STK31: variants seen among roughly 807,000 people sequenced by gnomAD.
The protein encoded by STK31 is serine/threonine kinase 31.
STK31 carries 89 observed loss-of-function variants against 129.7 expected under a neutral mutation model. The observed-to-expected ratio is 0.69, with a 90% confidence interval of 0.58 to 0.82. The LOEUF (loss-of-function observed/expected upper bound fraction) is 0.82, where lower values mean the gene tolerates loss of function less well. Ranked by LOEUF, STK31 falls within the 40% of genes least tolerant of loss-of-function variation. The pLI is 0.00. For missense variants in STK31, 1,187 were observed against 1,176.4 expected (o/e 1.01, Z -0.13); for synonymous variants, 448 against 395.3 (o/e 1.13, Z -1.58).
intron 8 of STK31, among the ~76,000 whole-genome samples, chr7:23,739,916 C>A (rs534571980): frequency 6.6e-6 from 1 of 152,194 alleles, no homozygotes; most frequent in South Asian, 2.1e-4. Flanking sequence ...GTGATGTCTC[C>A]AGGTTTGTTC....
intron 23 of STK31, among the ~76,000 whole-genome samples, chr7:23,823,048 A>T (rs1793889896): frequency 6.6e-6 from 1 of 152,204 alleles, no homozygotes; most frequent in South Asian, 2.1e-4. Context: ...ATAGTGCCGC[A>T]ATAAACGTAT....
At chr7:23,783,684 G>C in intron 17 of STK31, 21 bp downstream of exon 17, 1 of 1,569,114 alleles carries the variant, frequency 6.4e-7, no homozygotes, top group Non-Finnish European at 8.7e-7. Context: ...TTTCCCTTGC[G>C]AATTACTACT....
chr7:23,810,858 A>C (rs1166947505), intron 22 of STK31, among the ~76,000 whole-genome samples: 1 of 140,928 alleles, frequency 7.1e-6, no homozygotes, highest in Non-Finnish European at 1.5e-5. Flanking sequence ...ATATGTATAA[A>C]TATATATTAT....
rs183594312 is a variant in STK31, at chr7:23,825,884, T to C, written c.2830-6252T>C. On this transcript the variant is annotated intron_variant, in intron 23 of 23. Coordinates refer to ENST00000355870, the MANE Select transcript of STK31 (RefSeq NM_031414.5). ...CAGTAGTCATTCAGGAGCAGGTTGT[T>C]CAGTTTCCATGTAGTTGAGTGGTTT... Among the ~76,000 whole-genome samples, 10 of 152,344 alleles carry C rather than the reference T, an allele frequency of 6.6e-5. No homozygotes were observed. In the East Asian group the frequency reaches 1.9e-3, roughly 29 times the overall value.
At chr7:23,766,245 TGTTTC>T (rs761387628) in intron 11 of STK31, among the ~76,000 whole-genome samples, 7 of 152,132 alleles carry the variant, frequency 4.6e-5, no homozygotes, top group Non-Finnish European at 1.0e-4. Context: ...AATAATCTAT[TGTTTC>T]ATTTCTATCA....
intron 10 of STK31, among the ~76,000 whole-genome samples, chr7:23,757,099 G>A (rs1341426992): frequency 1.3e-5 from 2 of 152,170 alleles, no homozygotes; most frequent in South Asian, 2.1e-4. Flanking sequence ...GGTAGAATTC[G>A]GCTGTGAATC....
chr7:23,754,761 A>G (rs1488128197), intron 10 of STK31, among the ~76,000 whole-genome samples: 4 of 151,944 alleles, frequency 2.6e-5, no homozygotes, highest in Non-Finnish European at 4.4e-5. Context: ...TTGGTTTTCT[A>G]TTCTTGTGTT....
At chr7:23,826,307 G>T (rs1340748157) in intron 23 of STK31, among the ~76,000 whole-genome samples, 2 of 152,122 alleles carry the variant, frequency 1.3e-5, no homozygotes, top group Non-Finnish European at 1.5e-5. Context: ...ATATATTTAG[G>T]ATAGTTAGTT....
chr7:23,766,830 T>C (rs1789858357), intron 11 of STK31, among the ~76,000 whole-genome samples: 2 of 152,178 alleles, frequency 1.3e-5, no homozygotes, highest in South Asian at 4.1e-4. Context: ...ATTTCTGTTA[T>C]CTACATATTT....
At position 23,785,481 on chromosome 7, in the gene STK31, T is replaced by G; in HGVS notation, c.2152T>G (p.Ser718Ala). ...PEIGLLKYMN[S>A]GGLLTMSLER... is the part of the protein sequence containing the mutation. ...TGTGATAAAAACTTGTGCCTAGAACTCTGGTGGTCTCCTTACAATGAGCTT... is the reference window on the plus strand; with the variant it reads ...TGTGATAAAAACTTGTGCCTAGAACGCTGGTGGTCTCCTTACAATGAGCTT... The change falls in exon 18 of 24, where the codon TCT (serine) becomes GCT (alanine). Residue 718 changes from serine (S) to alanine (A), a missense_variant. Physicochemically the swap from Ser to Ala is moderately conservative, Grantham distance 99. Around this residue, in one of 5 missense-constraint regions of STK31, gnomAD observed 975 missense variants for 934.9 expected, o/e 1.04. Transcript: ENST00000355870. 6 of 1,613,444 alleles carry G rather than the reference T, an allele frequency of 3.7e-6. No individual in the cohort carries two copies. Among genetic ancestry groups the G allele is most frequent in the Non-Finnish European group, 5.1e-6 (6 of 1,179,504 alleles).
intron 13 of STK31, among the ~76,000 whole-genome samples, chr7:23,770,008 C>G (rs969772970): frequency 1.3e-5 from 2 of 152,058 alleles, no homozygotes; most frequent in South Asian, 4.1e-4. Flanking sequence ...CTGTTTAATT[C>G]TAAGAAAACT....
At chr7:23,778,512 TTTC>T (rs1235955377) in intron 15 of STK31, among the ~76,000 whole-genome samples, 2 of 152,156 alleles carry the variant, frequency 1.3e-5, no homozygotes, top group Non-Finnish European at 2.9e-5. Context: ...TAGTCGAATA[TTTC>T]TTCAAGGCTT....
At chr7:23,778,196 A>G (rs1790679416) in intron 15 of STK31, among the ~76,000 whole-genome samples, 1 of 152,200 alleles carries the variant, frequency 6.6e-6, no homozygotes, top group Non-Finnish European at 1.5e-5. Context: ...CAGTTTCTGC[A>G]GAGAAATTGC....
chr7:23,790,571 A>C (rs748064458), intron 21 of STK31, among the ~76,000 whole-genome samples: 7 of 152,178 alleles, frequency 4.6e-5, no homozygotes, highest in Non-Finnish European at 1.0e-4. Flanking sequence ...ATGTTTAATC[A>C]CAGAATAAGT....
intron 23 of STK31, among the ~76,000 whole-genome samples, chr7:23,822,162 TTA>T (rs1245026479): frequency 5.9e-5 from 9 of 152,198 alleles, no homozygotes; most frequent in Non-Finnish European, 1.2e-4. Context: ...TTTTTTCTAT[TTA>T]TGTGAAAAAT....
intron 21 of STK31, 119 bp from the exon 22 acceptor site, chr7:23,790,705 G>A (rs1003658714): frequency 5.7e-5 from 58 of 1,009,300 alleles, no homozygotes; most frequent in Non-Finnish European, 7.5e-5. Context: ...ATATTTGAAA[G>A]CAAGGGAATG....
chr7:23,791,219 C>A (rs952598764), intron 22 of STK31: 5 of 952,000 alleles, frequency 5.3e-6, no homozygotes, highest in Non-Finnish European at 5.0e-6. Context: ...AATCTGAAAG[C>A]AGTTCATGCA....
chr7:23,743,146 G>T (rs1488607947), intron 8 of STK31, among the ~76,000 whole-genome samples: 1 of 149,362 alleles, frequency 6.7e-6, no homozygotes, highest in Non-Finnish European at 1.5e-5. Context: ...TAGAAACGGG[G>T]TTTCACCATG....
Position 23,754,398 on chromosome 7 carries a change from C to G in STK31, c.1217C>G (p.Ala406Gly). The G allele has an allele frequency of 1.2e-6, 2 of 1,613,980 alleles. No individual in the cohort carries two copies. The highest frequency in any genetic ancestry group is 1.7e-6 in the Non-Finnish European group (2 of 1,179,920). Residue 406 changes from alanine (A) to glycine (G), a missense_variant, in exon 10 of 24, where the codon GCT (alanine) becomes GGT (glycine). Around this residue, in one of 5 missense-constraint regions of STK31, gnomAD observed 975 missense variants for 934.9 expected, o/e 1.04. Coordinates refer to ENST00000355870, the MANE Select transcript of STK31 (RefSeq NM_031414.5). Reference protein sequence around the residue: ...VLDEGCFTTPASLNGLEIIWA... With the variant: ...VLDEGCFTTPGSLNGLEIIWA... ...GATGAAGGGTGCTTTACTACTCCAG[C>G]TTCTTTGAATGGATTAGAGATAATA...
Sources: gnomAD v4.1 joint callset for allele counts (sites outside exome capture counted in the v4.1 genomes callset) on GRCh38, gnomAD v4.1.1 for gene constraint, gnomAD v4.1.1 regional missense constraint, MANE v1.5 for transcripts, NCBI Gene and HGNC (gene_info 2026-07-23, HGNC 2026-07-21) for gene names.